The following AKR1B15 variants were observed in gnomAD, a reference collection of about 807,000 sequenced individuals.
AKR1B15 encodes the protein estradiol 17-beta-dehydrogenase AKR1B15.
AKR1B15 carries 49 observed loss-of-function variants against 38.5 expected under a neutral mutation model. That is an observed-to-expected ratio of 1.27 (90% CI 1.01 to 1.62). AKR1B15 has a LOEUF of 1.62. AKR1B15 is among the 40% of genes most tolerant of loss of function. AKR1B15 has a pLI of 0.00. For missense variants in AKR1B15, 411 were observed against 381.6 expected (o/e 1.08, Z -0.64); for synonymous variants, 137 against 135.5 (o/e 1.01, Z -0.08).
At chr7:134,562,440 A>G (rs1193150564) in intron 2 of AKR1B15, among the ~76,000 whole-genome samples, 1 of 150,568 alleles carries the variant, frequency 6.6e-6, no homozygotes, top group Admixed American at 6.6e-5. Context: ...TCCATTTTAC[A>G]GAGTGCTGAT....
chr7:134,550,852 A>T (rs1490878778), intron 1 of AKR1B15, among the ~76,000 whole-genome samples: 2 of 152,170 alleles, frequency 1.3e-5, no homozygotes, highest in Non-Finnish European at 2.9e-5. Context: ...AGAATGGCCA[A>T]AGTTTGGAAC....
chr7:134,562,130 T>C (rs898003114), intron 2 of AKR1B15, among the ~76,000 whole-genome samples: 21 of 152,100 alleles, frequency 1.4e-4, no homozygotes, highest in African/African-American at 5.1e-4. Flanking sequence ...ATTACAGACA[T>C]GTGCCACTGT....
intron 2 of AKR1B15, among the ~76,000 whole-genome samples, chr7:134,561,990 CTCTCTTTCTTTTACACAGGG>C: frequency 6.6e-6 from 1 of 151,658 alleles, no homozygotes; most frequent in East Asian, 2.0e-4. Context: ...GCTTTGCTTT[CTCTCTTTCTTTTACACAGGG>C]TCTCACTGTG....
intron 2 of AKR1B15, among the ~76,000 whole-genome samples, chr7:134,563,015 A>C (rs1794455719): frequency 7.0e-6 from 1 of 142,132 alleles, no homozygotes; most frequent in African/African-American, 2.7e-5. Flanking sequence ...CCCTCCCCCA[A>C]CTCTTCTTTC....
At chr7:134,571,750 A>G in intron 6 of AKR1B15, 69 bp downstream of exon 6, 1 of 1,234,420 alleles carries the variant, frequency 8.1e-7, no homozygotes, top group Non-Finnish European at 1.2e-6. Flanking sequence ...TCCCATTGAT[A>G]TGAAAGAGGC....
chr7:134,562,276 G>A (rs565021313), intron 2 of AKR1B15, among the ~76,000 whole-genome samples: 1 of 152,264 alleles, frequency 6.6e-6, no homozygotes, highest in Middle Eastern at 3.4e-3. Context: ...GATTTATTTT[G>A]AACAGCGGAA....
In AKR1B15 at chr7:134,575,632, T is replaced by C. The variant is rs1627777; in HGVS notation, c.636+90T>C. On this transcript the variant is annotated intron_variant, in intron 7 of 11. Coordinates refer to ENST00000457545, the MANE Select transcript of AKR1B15 (RefSeq NM_001080538.3). ...ATGTTCAATGCTATGCCCTGAGTCT[T>C]ATCTCAGGGGTCAGTGATCAGGACA... 3.2e-4 allele frequency: 503 copies of C among 1,586,074 alleles called. 1 individual carries two copies. Among genetic ancestry groups the C allele is most frequent in the East Asian group, 1.2e-3 (53 of 44,652 alleles).
intron 1 of AKR1B15, among the ~76,000 whole-genome samples, chr7:134,553,692 T>G (rs1482066267): frequency 6.6e-6 from 1 of 152,228 alleles, no homozygotes; most frequent in Non-Finnish European, 1.5e-5. Context: ...TTTAACTTTC[T>G]CTCCCACAAG....
chr7:134,556,231 T>C (rs1048342055), intron 1 of AKR1B15, among the ~76,000 whole-genome samples: 1 of 152,168 alleles, frequency 6.6e-6, no homozygotes, highest in African/African-American at 2.4e-5. Context: ...TTCCTGGTTC[T>C]GAGACCCCAG....
At position 134,579,631 on chromosome 7, in the gene AKR1B15, G is replaced by T; in HGVS notation, c.*82G>T. The T allele has an allele frequency of 7.7e-7, 1 of 1,304,422 alleles. No homozygotes were observed. 80.8% of individuals were successfully genotyped at this position (1,304,422 alleles called of 1,614,324 possible). ...CTGTCTCCACTCAAGAACTATTTTA[G>T]CCAAGCTTATCTGAGATCACAGTGA... On this transcript the variant is annotated 3_prime_UTR_variant, in exon 12 of 12. Transcript: ENST00000457545.
At chr7:134,579,167 A>C (rs1382421843) in intron 11 of AKR1B15, among the ~76,000 whole-genome samples, 2 of 152,092 alleles carry the variant, frequency 1.3e-5, no homozygotes, top group Non-Finnish European at 2.9e-5. Context: ...ACTCATAACA[A>C]TCCCCAAGCT....
At chr7:134,573,388 G>C (rs1794703392) in intron 6 of AKR1B15, 1 of 985,206 alleles carries the variant, frequency 1.0e-6, no homozygotes, top group Non-Finnish European at 1.2e-6. Flanking sequence ...TATGAAGTAT[G>C]GCAAGTATGT....
intron 3 of AKR1B15, among the ~76,000 whole-genome samples, chr7:134,566,279 A>C (rs1794532245): frequency 6.6e-6 from 1 of 152,188 alleles, no homozygotes; most frequent in African/African-American, 2.4e-5. Context: ...TGGGCAACAG[A>C]GTGAGATCCC....
chr7:134,563,767 G>T (rs1794472798), intron 2 of AKR1B15, among the ~76,000 whole-genome samples: 1 of 152,072 alleles, frequency 6.6e-6, no homozygotes, highest in Non-Finnish European at 1.5e-5. Context: ...TTCACAAATG[G>T]TTCCTAGTAG....
chr7:134,578,979 A>G (rs1354635335), intron 11 of AKR1B15, among the ~76,000 whole-genome samples: 1 of 152,230 alleles, frequency 6.6e-6, no homozygotes, highest in Non-Finnish European at 1.5e-5. Context: ...CCTCAAATCC[A>G]ACTCTAACAC....
At chr7:134,576,871 A>G in intron 9 of AKR1B15, 92 bp from the exon 10 acceptor site, 1 of 1,216,150 alleles carries the variant, frequency 8.2e-7, no homozygotes, top group South Asian at 1.2e-5. Flanking sequence ...ACCTGAAGCC[A>G]CAGTGAGCTG....
intron 8 of AKR1B15, 87 bp from the exon 9 acceptor site, chr7:134,576,262 A>C (rs1176933040): frequency 2.2e-6 from 3 of 1,371,034 alleles, no homozygotes; most frequent in Non-Finnish European, 2.0e-6. Flanking sequence ...GGCTCTGATG[A>C]TCAGTCTTGA....
At chr7:134,566,020 G>A (rs1247915789) in intron 3 of AKR1B15, among the ~76,000 whole-genome samples, 1 of 152,056 alleles carries the variant, frequency 6.6e-6, no homozygotes, top group East Asian at 1.9e-4. Context: ...CTGGCTGGGT[G>A]TGGTGGCTCA....
At chr7:134,562,836 T>C (rs7786450) in intron 2 of AKR1B15, among the ~76,000 whole-genome samples, 87 of 25,408 alleles carry the variant, frequency 3.4e-3, no homozygotes, top group African/African-American at 0.015. Flanking sequence ...TCCTTTCTCT[T>C]TCTTTCTTTC....
Sources: allele counts gnomAD v4.1 joint callset (sites outside exome capture counted in the v4.1 genomes callset), GRCh38; gene constraint gnomAD v4.1.1; transcripts MANE v1.5; gene names NCBI Gene and HGNC (gene_info 2026-07-23, HGNC 2026-07-21).